EVA1B: variants seen among roughly 807,000 people sequenced by gnomAD.
The protein encoded by EVA1B is protein eva-1 homolog B.
EVA1B carries 2 observed loss-of-function variants against 4.6 expected under a neutral mutation model. The observed-to-expected ratio is 0.43, with a 90% CI of 0.18 to 1.37. EVA1B has a LOEUF of 1.37. EVA1B is among the 40% of genes most tolerant of loss of function. The probability of loss-of-function intolerance (pLI) is 0.28; values close to 1 mark genes in which losing one functional copy is unlikely to be tolerated. For missense variants in EVA1B, 263 were observed against 240.4 expected (o/e 1.09, Z -0.62); for synonymous variants, 124 against 115.8 (o/e 1.07, Z -0.46).
chr1:36,323,116 C>G, intron 1 of EVA1B, 49 bp from the exon 2 acceptor site: 1 of 1,476,662 alleles, frequency 6.8e-7, no homozygotes, highest in Non-Finnish European at 9.1e-7. Flanking sequence ...GAGCCCACCC[C>G]GACCCCTTCC....
Position 36,323,516 on chromosome 1 carries a change from T to G in EVA1B, c.-88A>C, listed in dbSNP as rs978401140. The G allele has an allele frequency of 6.6e-6, 1 of 151,898 alleles. No homozygotes were observed. The highest frequency in any genetic ancestry group is 1.5e-5 in the Non-Finnish European group (1 of 68,058). The allele number at this position is 151,898 out of a possible 1,614,324, so 9.4% of individuals were successfully genotyped here. ...CAGCGCGTCCCGCGGCCGCATACACTGGGTCCGGCCGCCCCCGCCCGCTCG... is the reference window on the plus strand; with the variant it reads ...CAGCGCGTCCCGCGGCCGCATACACGGGGTCCGGCCGCCCCCGCCCGCTCG... On this transcript the variant is annotated 5_prime_UTR_variant, in exon 1 of 3. Transcript: ENST00000490466.
rs1646482245 is a variant in EVA1B, at chr1:36,322,496, C to CTCGGGGCCCGGCAGCGTGTCG, written c.276_296dup (p.Asp92_Pro98dup). On this transcript the variant is annotated inframe_insertion, in exon 3 of 3. Coordinates refer to ENST00000490466, the MANE Select transcript of EVA1B (RefSeq NM_001304762.2). ...GGGGCCCGTCCGGCTCTGCGGACAG[C>CTCGGGGCCCGGCAGCGTGTCG]TCGGGGCCCGGCAGCGTGTCGTCGG... is the stretch of plus-strand genomic sequence containing the variant. The CTCGGGGCCCGGCAGCGTGTCG allele has an allele frequency of 6.2e-7, 1 of 1,603,190 alleles. No individual in the cohort carries two copies. Among genetic ancestry groups the CTCGGGGCCCGGCAGCGTGTCG allele is most frequent in the Non-Finnish European group, 8.5e-7 (1 of 1,179,042 alleles).
chr1:36,322,439 C>T lies in EVA1B; in HGVS notation c.354G>A (p.Glu118=). 1 of 1,604,074 alleles carries T rather than the reference C, an allele frequency of 6.2e-7. No individual in the cohort carries two copies. Among genetic ancestry groups the T allele is most frequent in the Non-Finnish European group, 8.5e-7 (1 of 1,179,402 alleles). Residue 118 remains glutamate, a synonymous_variant, in exon 3 of 3, where the codon GAG becomes GAA. Coordinates refer to ENST00000490466, the MANE Select transcript of EVA1B (RefSeq NM_001304762.2). Reference sequence around the variant, plus strand: ...CCTCCAGCCGCTGCGCCCGCTCCAGCTCCTCCGCCGACGTGAAGACGTTGA... The same window carrying T: ...CCTCCAGCCGCTGCGCCCGCTCCAGTTCCTCCGCCGACGTGAAGACGTTGA... ...LNVNVFTSAE[E]LERAQRLEER... is the part of the protein sequence containing the mutation.
rs929163411 is a variant in EVA1B, at chr1:36,322,633, C to G, written c.160G>C (p.Ala54Pro). The G allele has an allele frequency of 2.4e-5, 37 of 1,545,106 alleles. No individual in the cohort carries two copies. The highest frequency in any genetic ancestry group is 3.1e-5 in the Non-Finnish European group (36 of 1,147,096). Residue 54 changes from alanine (A) to proline (P), a missense_variant, in exon 3 of 3, where the codon GCG becomes CCG. Physicochemically the swap from Ala to Pro is conservative, Grantham distance 27. Coordinates refer to ENST00000490466, the MANE Select transcript of EVA1B (RefSeq NM_001304762.2). The stretch of plus-strand genomic sequence containing the variant: ...GGGCCCCGGGGCCGCGGGCGGGGCG[C>G]CCACGAGATGCTGATGACGAGCAGG... ...LCLLVISISW[A>P]PRPRPRGPAQ...
Position 36,322,145 on chromosome 1 carries a change from C to T in EVA1B, c.*150G>A. The T allele has an allele frequency of 7.4e-7, 1 of 1,353,688 alleles. No homozygotes were observed. The highest frequency in any genetic ancestry group is 9.6e-7 in the Non-Finnish European group (1 of 1,046,882). 83.9% of individuals were successfully genotyped at this position (1,353,688 alleles called of 1,614,324 possible). A position where few individuals can be genotyped will look rare whatever the true frequency, so the allele number is the denominator to read the frequency against. ...CCGCCCCCGGGGTCTTCTGGCAGGA[C>T]TGGGGAAGGGAGCCTCTCAGGGGGT... On this transcript the variant is annotated 3_prime_UTR_variant, in exon 3 of 3. Coordinates refer to ENST00000490466, the MANE Select transcript of EVA1B (RefSeq NM_001304762.2).
Position 36,322,417 on chromosome 1 carries a change from C to A in EVA1B, c.376G>T (p.Glu126Ter). ...TCCCGCAGGATCCGTTCGCGCTCCTCCAGCCGCTGCGCCCGCTCCAGCTCC... is the reference window on the plus strand; with the variant it reads ...TCCCGCAGGATCCGTTCGCGCTCCTACAGCCGCTGCGCCCGCTCCAGCTCC... ...AEELERAQRL[E>*]ERERILREIW... The change falls in exon 3 of 3, where the codon GAG (glutamate) becomes TAG (stop). Residue 126 changes from glutamate (E) to a stop codon, truncating the protein, a stop_gained. Transcript: ENST00000490466. LOFTEE classifies it high-confidence loss of function. The A allele has an allele frequency of 6.2e-7, 1 of 1,602,110 alleles. No homozygotes were observed. Among genetic ancestry groups the A allele is most frequent in the Non-Finnish European group, 8.5e-7 (1 of 1,179,316 alleles).
In EVA1B at chr1:36,322,599, C is replaced by G; in HGVS notation, c.194G>C (p.Arg65Pro). 6.4e-7 allele frequency: 1 copy of G among 1,559,546 alleles called. No homozygotes were observed. Among genetic ancestry groups the G allele is most frequent in the Non-Finnish European group, 8.6e-7 (1 of 1,156,702 alleles). ...CAGGGTGCTGCTGCGGGGGTCCCGG[C>G]GCTGAGCCGGGCCCCGGGGCCGCGG... is the stretch of plus-strand genomic sequence containing the variant. ...PRPRPRGPAQ[R>P]RDPRSSTLEP... Residue 65 changes from arginine to proline, a missense_variant, in exon 3 of 3, where the codon CGC becomes CCC. Physicochemically the swap from Arg to Pro is moderately radical, Grantham distance 103. Transcript: ENST00000490466.
chr1:36,322,192 C>G lies in EVA1B; in HGVS notation c.*103G>C. On this transcript the variant is annotated 3_prime_UTR_variant, in exon 3 of 3. Transcript: ENST00000490466. The stretch of plus-strand genomic sequence containing the variant: ...GGGTGGCGGTCCACGCCCAGTAGCA[C>G]CTGGGAGCTGTGGGGGCCGAGGCAG... The G allele has an allele frequency of 7.3e-7, 1 of 1,375,948 alleles. No homozygotes were observed. The highest frequency in any genetic ancestry group is 9.4e-7 in the Non-Finnish European group (1 of 1,058,274). The allele number at this position is 1,375,948 out of a possible 1,614,324, so 85.2% of individuals were successfully genotyped here. A position where few individuals can be genotyped will look rare whatever the true frequency, so the allele number is the denominator to read the frequency against.
rs1050325148 is a variant in EVA1B at position 36,322,072 on chromosome 1, T to C, written c.*223A>G. The C allele has an allele frequency of 5.8e-5, 78 of 1,347,830 alleles. No homozygotes were observed. The highest frequency in any genetic ancestry group is 7.1e-5 in the Non-Finnish European group (75 of 1,055,234). 83.5% of individuals were successfully genotyped at this position (1,347,830 alleles called of 1,614,324 possible). A position where few individuals can be genotyped will look rare whatever the true frequency, so the allele number is the denominator to read the frequency against. ...TTCTTTCATTTGGTCACTTCACCTC[T>C]TCATCGACCCCAGAGAGGGAGTGGG... On this transcript the variant is annotated 3_prime_UTR_variant, in exon 3 of 3. Coordinates refer to ENST00000490466, the MANE Select transcript of EVA1B (RefSeq NM_001304762.2).
rs1557490513 is a variant in EVA1B at position 36,322,544 on chromosome 1, CTCCTCGTCCTCG to C, written c.237_248del (p.Asp79_Glu82del). 1 of 1,598,456 alleles carries C rather than the reference CTCCTCGTCCTCG, an allele frequency of 6.3e-7. No homozygotes were observed. The highest frequency in any genetic ancestry group is 1.1e-5 in the South Asian group (1 of 90,344). The stretch of plus-strand genomic sequence containing the variant: ...CGGGGCCCAGCCGAGTCACCGTGTC[CTCCTCGTCCTCG>C]TCGTCGTCCTCGGGCTCCAGGGTGC... On this transcript the variant is annotated inframe_deletion, in exon 3 of 3. Transcript: ENST00000490466.
At chr1:36,322,893 G>C in intron 2 of EVA1B, 78 bp downstream of exon 2, 6 of 1,567,742 alleles carry the variant, frequency 3.8e-6, no homozygotes, top group Non-Finnish European at 5.2e-6. Flanking sequence ...CGGAGGGGAC[G>C]GACAAGGCGC....
In EVA1B at chr1:36,322,062, A is replaced by C. The variant is rs1044373686; in HGVS notation, c.*233T>G. The stretch of plus-strand genomic sequence containing the variant: ...GAATGCAGCTTTCTTTCATTTGGTC[A>C]CTTCACCTCTTCATCGACCCCAGAG... On this transcript the variant is annotated 3_prime_UTR_variant, in exon 3 of 3. Transcript: ENST00000490466. The C allele has an allele frequency of 4.8e-5, 63 of 1,325,588 alleles. No individual in the cohort carries two copies. The highest frequency in any genetic ancestry group is 5.8e-5 in the Non-Finnish European group (60 of 1,043,004). 82.1% of individuals were successfully genotyped at this position (1,325,588 alleles called of 1,614,324 possible). A position where few individuals can be genotyped will look rare whatever the true frequency, so the allele number is the denominator to read the frequency against.
intron 1 of EVA1B, 129 bp downstream of exon 1, chr1:36,323,330 C>T (rs1646500605): frequency 5.2e-6 from 2 of 387,232 alleles, no homozygotes; most frequent in South Asian, 3.9e-5. Context: ...GTTCCGCCGT[C>T]CCGGGGCGGG....
chr1:36,322,933 AG>A (rs762236255), intron 2 of EVA1B, 37 bp downstream of exon 2: 1 of 1,603,476 alleles, frequency 6.2e-7, no homozygotes, highest in Non-Finnish European at 8.5e-7. Flanking sequence ...TGGTCAGGGA[AG>A]GGTTCAGGCC....
In EVA1B at chr1:36,322,546, C is replaced by T. The variant is rs1021471434; in HGVS notation, c.247G>A (p.Glu83Lys). ...LEPEDDDEDE[E>K]DTVTRLGPDD... ...GGGCCCAGCCGAGTCACCGTGTCCT[C>T]CTCGTCCTCGTCGTCGTCCTCGGGC... Residue 83 changes from glutamate to lysine, a missense_variant, in exon 3 of 3, where the codon GAG becomes AAG. Transcript: ENST00000490466. 2.1e-5 allele frequency: 33 copies of T among 1,597,458 alleles called. No homozygotes were observed. The highest frequency in any genetic ancestry group is 2.8e-5 in the Non-Finnish European group (33 of 1,176,742).
In EVA1B at chr1:36,323,054, G is replaced by C. The variant is rs200398356; in HGVS notation, c.-17C>G. ...GGCATCCATGCTGCTCTGGGGGGCA[G>C]CTCCCCTACCAGCCTGCGAGGTCAG... On this transcript the variant is annotated 5_prime_UTR_variant, in exon 2 of 3. Transcript: ENST00000490466. 43 of 1,597,588 alleles carry C rather than the reference G, an allele frequency of 2.7e-5. 1 individual carries two copies. In the East Asian group the frequency reaches 5.9e-4, roughly 22 times the overall value.
chr1:36,322,732 G>T lies in EVA1B; in HGVS notation c.68-7C>A, dbSNP rs1242197199. 1 of 1,545,960 alleles carries T rather than the reference G, an allele frequency of 6.5e-7. No homozygotes were observed. The highest frequency in any genetic ancestry group is 2.0e-5 in the Admixed American group (1 of 50,986). On this transcript the variant is annotated splice_region_variant and splice_polypyrimidine_tract_variant and intron_variant, in intron 2 of 2. Transcript: ENST00000490466. ...CCGAAGCTCTCGGGGTTGGCTGCGG[G>T]GCACAGGGCGGGGGTCACGGAGAGG...
At chr1:36,323,100 A>T in intron 1 of EVA1B, 33 bp from the exon 2 acceptor site, 1 of 1,552,126 alleles carries the variant, frequency 6.4e-7, no homozygotes, top group East Asian at 2.4e-5. Context: ...TCCTTCTCCC[A>T]GCCTGGAGCC....
intron 2 of EVA1B, 103 bp from the exon 3 acceptor site, chr1:36,322,828 C>A: frequency 2.0e-6 from 3 of 1,491,822 alleles, no homozygotes; most frequent in Non-Finnish European, 1.8e-6. Context: ...GGCCTGTAAC[C>A]CCTACTCGAA....
Sources: allele counts gnomAD v4.1 joint callset, GRCh38; gene constraint gnomAD v4.1.1; transcripts MANE v1.5; gene names NCBI Gene and HGNC (gene_info 2026-07-23, HGNC 2026-07-21).